The following STXBP3 variants were observed in gnomAD, a reference collection of about 807,000 sequenced individuals.
STXBP3 encodes syntaxin binding protein 3, also known as syntaxin-binding protein 3.
Under a neutral mutation model 85.7 loss-of-function variants are expected in STXBP3, and 41 were observed. That is an observed-to-expected ratio of 0.48 (90% CI 0.37 to 0.62). STXBP3 has a LOEUF of 0.62. Among genes scored for constraint, STXBP3 ranks in the 20% least tolerant of loss-of-function variants. The probability of loss-of-function intolerance (pLI) is 0.00; values close to 1 mark genes in which losing one functional copy is unlikely to be tolerated. For synonymous variants in STXBP3, 229 were observed against 231.7 expected (o/e 0.99, Z 0.10); for missense variants, 563 against 703.1 (o/e 0.80, Z 2.25).
rs1389638630 is a variant in STXBP3 at position 108,748,523 on chromosome 1, A to G, written c.49+1737A>G. On this transcript the variant is annotated intron_variant, in intron 1 of 18. Coordinates refer to ENST00000370008, the MANE Select transcript of STXBP3 (RefSeq NM_007269.4). Reference sequence around the variant, plus strand: ...GGTGACAGAGCAAGACCCTGAGTCTAAATAAATAAATAAATAGCTAGCGTA... The same window carrying G: ...GGTGACAGAGCAAGACCCTGAGTCTGAATAAATAAATAAATAGCTAGCGTA... Among the ~76,000 whole-genome samples, 14 of 151,980 alleles carry G rather than the reference A, an allele frequency of 9.2e-5. 1 individual carries two copies. Among genetic ancestry groups the G allele is most frequent in the Admixed American group, 9.2e-4 (14 of 15,254 alleles).
intron 6 of STXBP3, among the ~76,000 whole-genome samples, chr1:108,761,546 C>G (rs2101107628): frequency 6.6e-6 from 1 of 152,254 alleles, no homozygotes; most frequent in East Asian, 1.9e-4. Flanking sequence ...CTTTGCATGT[C>G]TAGAGAATGC....
At chr1:108,798,403 C>CTT (rs1283395278) in intron 16 of STXBP3, among the ~76,000 whole-genome samples, 166 bp downstream of exon 16, 1 of 108,760 alleles carries the variant, frequency 9.2e-6, no homozygotes, top group Non-Finnish European at 1.9e-5. Context: ...GAAGATTCTT[C>CTT]TTCTTTTTTT....
At chr1:108,755,288 T>C (rs1004866921) in intron 3 of STXBP3, among the ~76,000 whole-genome samples, 6 of 151,832 alleles carry the variant, frequency 4.0e-5, no homozygotes, top group Admixed American at 3.9e-4. Context: ...TCTACTAAAA[T>C]CCAAAAAAAT....
At chr1:108,764,554 CAT>C (rs1662217104) in intron 6 of STXBP3, among the ~76,000 whole-genome samples, 1 of 152,270 alleles carries the variant, frequency 6.6e-6, no homozygotes, top group African/African-American at 2.4e-5. Context: ...GCCTCACCAG[CAT>C]ATGTTATTTT....
chr1:108,776,205 T>G (rs769049356), intron 7 of STXBP3, 128 bp from the exon 8 acceptor site: 4 of 535,058 alleles, frequency 7.5e-6, no homozygotes, highest in Non-Finnish European at 1.2e-5. Context: ...TTTTACATGT[T>G]TATAAAATAA....
chr1:108,796,819 C>T, intron 15 of STXBP3, 93 bp downstream of exon 15: 5 of 779,082 alleles, frequency 6.4e-6, no homozygotes, highest in African/African-American at 1.8e-5. Flanking sequence ...GGACAGTCTT[C>T]TTAAGTTCAC....
intron 8 of STXBP3, among the ~76,000 whole-genome samples, chr1:108,778,072 G>T (rs548632933): frequency 6.6e-6 from 1 of 152,182 alleles, no homozygotes; most frequent in Admixed American, 6.5e-5. Context: ...GTCAAGGCTG[G>T]ACTCAGATTC....
rs758784567 is a variant in STXBP3 at position 108,756,756 on chromosome 1, C to T, written c.248C>T (p.Pro83Leu). The T allele has an allele frequency of 5.7e-6, 9 of 1,590,426 alleles. No individual in the cohort carries two copies. Among genetic ancestry groups the T allele is most frequent in the Middle Eastern group, 1.7e-4 (1 of 5,764 alleles). The stretch of plus-strand genomic sequence containing the variant: ...ATGAAAGCTCTTTATTTCATCACTC[C>T]GACATCAAAGGTGAGTATTTTGAGA... ...RQMKALYFITPTSKSVDCFLH... is the reference protein window; with the variant it reads ...RQMKALYFITLTSKSVDCFLH... The change falls in exon 4 of 19, where the codon CCG becomes CTG. Residue 83 changes from proline (P) to leucine (L), a missense_variant. Transcript: ENST00000370008.
chr1:108,801,971 T>A (rs6684828), intron 17 of STXBP3, among the ~76,000 whole-genome samples: 16 of 152,048 alleles, frequency 1.1e-4, no homozygotes, highest in Non-Finnish European at 2.1e-4. Flanking sequence ...AGCCAGCCCT[T>A]TTTTCCCTCA....
intron 11 of STXBP3, 25 bp from the exon 12 acceptor site, chr1:108,793,557 T>TA (rs1333901714): frequency 2.5e-6 from 4 of 1,598,812 alleles, no homozygotes; most frequent in East Asian, 2.2e-5. Context: ...TAGGCTTGCC[T>TA]AAAAAAATGT....
chr1:108,775,691 A>G lies in STXBP3; in HGVS notation c.594-642A>G, dbSNP rs553105192. Among the ~76,000 whole-genome samples, 5 of 152,274 alleles carry G rather than the reference A, an allele frequency of 3.3e-5. No homozygotes were observed. In the East Asian group the frequency reaches 7.7e-4, roughly 23 times the overall value. On this transcript the variant is annotated intron_variant, in intron 7 of 18. Transcript: ENST00000370008. ...TTCAGTGCCTGGCTTATTTCGCTTA[A>G]CATGGTGACCGCCAGTTCCATCCAT...
chr1:108,807,095 T>C (rs1663352595), intron 17 of STXBP3, among the ~76,000 whole-genome samples: 1 of 151,998 alleles, frequency 6.6e-6, no homozygotes, highest in South Asian at 2.1e-4. Context: ...CTACTAAAAA[T>C]ACAAAAATTA....
At chr1:108,796,535 C>G in intron 14 of STXBP3, 85 bp from the exon 15 acceptor site, 1 of 1,281,156 alleles carries the variant, frequency 7.8e-7, no homozygotes, top group South Asian at 1.5e-5. Context: ...ATTTTAAAAG[C>G]TTCATTCATG....
chr1:108,746,749 G>A lies in STXBP3; in HGVS notation c.12G>A (p.Pro4=), dbSNP rs1422083428. The change falls in exon 1 of 19, where the codon CCG becomes CCA. Residue 4 remains proline, a synonymous_variant. Transcript: ENST00000370008. ...GCAGTGTCGGGAAGATGGCGCCGCC[G>A]GTGGCAGAGAGGGGGCTAAAGAGCG... MAP[P]VAERGLKSVV... is the part of the protein sequence containing the mutation. 1 of 1,550,250 alleles carries A rather than the reference G, an allele frequency of 6.5e-7. No individual in the cohort carries two copies. The highest frequency in any genetic ancestry group is 8.7e-7 in the Non-Finnish European group (1 of 1,146,458).
At chr1:108,756,802 A>G in intron 4 of STXBP3, 36 bp downstream of exon 4, 1 of 1,462,356 alleles carries the variant, frequency 6.8e-7, no homozygotes, top group Non-Finnish European at 9.4e-7. Context: ...CAGGTTCATC[A>G]ATATTTCACC....
chr1:108,749,124 A>G (rs1661853436), intron 1 of STXBP3, among the ~76,000 whole-genome samples: 1 of 152,202 alleles, frequency 6.6e-6, no homozygotes, highest in Non-Finnish European at 1.5e-5. Flanking sequence ...TCAGTGAGAG[A>G]GAAGAATCAA....
chr1:108,747,382 C>G (rs990273212), intron 1 of STXBP3, among the ~76,000 whole-genome samples: 36 of 152,142 alleles, frequency 2.4e-4, no homozygotes, highest in African/African-American at 8.7e-4. Context: ...CGGTGTCCAG[C>G]CGTGACATCT....
intron 11 of STXBP3, among the ~76,000 whole-genome samples, chr1:108,791,817 G>T (rs1280416963): frequency 6.6e-6 from 1 of 151,952 alleles, no homozygotes; most frequent in Non-Finnish European, 1.5e-5. Context: ...CCTTAACTCA[G>T]TCCCCATCCC....
intron 3 of STXBP3, among the ~76,000 whole-genome samples, chr1:108,755,630 A>G (rs1050765670): frequency 1.3e-5 from 2 of 152,154 alleles, no homozygotes; most frequent in Non-Finnish European, 2.9e-5. Flanking sequence ...GCCCTAAATC[A>G]TATTTATCAC....
Sources: gnomAD v4.1 joint callset for allele counts (sites outside exome capture counted in the v4.1 genomes callset) on GRCh38, gnomAD v4.1.1 for gene constraint, MANE v1.5 for transcripts, NCBI Gene and HGNC (gene_info 2026-07-23, HGNC 2026-07-21) for gene names.